ATP2B2: variants seen among roughly 807,000 people sequenced by gnomAD.
ATP2B2 encodes the protein plasma membrane calcium-transporting ATPase 2.
Under a neutral mutation model 120.0 loss-of-function variants are expected in ATP2B2, and 15 were observed. That is an observed-to-expected ratio of 0.12 (90% CI 0.08 to 0.19). ATP2B2 has a LOEUF of 0.19. ATP2B2 is among the 10% of genes least tolerant of loss of function. ATP2B2 has a pLI of 1.00. For synonymous variants in ATP2B2, 694 were observed against 700.3 expected, an observed-to-expected ratio of 0.99 and a Z score of 0.14; for missense variants, 1,045 against 1,719.8, an observed-to-expected ratio of 0.61 and a Z score of 6.94.
Position 10,402,419 on chromosome 3 carries a change from C to G in ATP2B2, c.398-71G>C. The G allele has an allele frequency of 6.3e-7, 1 of 1,589,908 alleles. No homozygotes were observed. ...GAGAGGCCTCATGGGCCTGGATTTA[C>G]AGCTCAGCTCTGCAAAGTAACAAGT... On this transcript the variant is annotated intron_variant, in intron 3 of 22. Transcript: ENST00000360273. This position sits in a 1 kb window ranked among gnomAD's most constrained non-coding sequence, Gnocchi z 4.9.
chr3:10,540,291 C>T lies in ATP2B2; in HGVS notation c.-414-6158G>A, dbSNP rs530036001. The stretch of plus-strand genomic sequence containing the variant: ...TGGTGGGACTGTAAACTAGTTCAAC[C>T]ATTGTGGAAGACTGTGTGGTGATTC... On this transcript the variant is annotated intron_variant, in intron 2 of 21. Transcript: ENST00000646379. Among the ~76,000 whole-genome samples, 12 of 152,284 alleles carry T rather than the reference C, an allele frequency of 7.9e-5. No homozygotes were observed. In the South Asian group the frequency reaches 8.3e-4, roughly 11 times the overall value.
At chr3:10,495,354 T>C (rs561799732) in intron 1 of ATP2B2, among the ~76,000 whole-genome samples, 4 of 152,270 alleles carry the variant, frequency 2.6e-5, no homozygotes, top group South Asian at 2.1e-4. Context: ...TTAGGTCCAA[T>C]GCAAAGGGGC....
intron 1 of ATP2B2, among the ~76,000 whole-genome samples, chr3:10,457,705 A>G (rs2064322327): frequency 2.6e-5 from 4 of 152,172 alleles, no homozygotes; most frequent in South Asian, 2.1e-4. Flanking sequence ...AGTTGAGAAG[A>G]GAGAACAGGG....
At chr3:10,603,968 C>T (rs2068993561) in intron 2 of ATP2B2, among the ~76,000 whole-genome samples, 1 of 152,148 alleles carries the variant, frequency 6.6e-6, no homozygotes, top group African/African-American at 2.4e-5. Flanking sequence ...ATATGTTTGA[C>T]TGGGTGGCAG....
At chr3:10,500,539 A>T (rs2165) in intron 1 of ATP2B2, among the ~76,000 whole-genome samples, 14 of 151,496 alleles carry the variant, frequency 9.2e-5, no homozygotes, top group South Asian at 2.1e-4. Context: ...TTAGAAGCAG[A>T]GGAGAGGACA....
At chr3:10,676,709 T>G (rs781398597) in intron 1 of ATP2B2, among the ~76,000 whole-genome samples, 1 of 152,166 alleles carries the variant, frequency 6.6e-6, no homozygotes, top group Non-Finnish European at 1.5e-5. Context: ...GGGAGAAAAT[T>G]AACGATTAAG....
chr3:10,564,322 T>C (rs2125534734), intron 2 of ATP2B2, among the ~76,000 whole-genome samples: 1 of 152,336 alleles, frequency 6.6e-6, no homozygotes, highest in South Asian at 2.1e-4. Flanking sequence ...ATTTCTTCTG[T>C]TTGAAATACC....
At chr3:10,507,044 T>C (rs1388415313), upstream of ATP2B2, among the ~76,000 whole-genome samples, 3 of 152,144 alleles carry the variant, frequency 2.0e-5, no homozygotes, top group African/African-American at 4.8e-5. Flanking sequence ...CCCAGCCCCA[T>C]GGAAGGGTGC....
At chr3:10,332,555 G>T (rs1053382561) in intron 22 of ATP2B2, among the ~76,000 whole-genome samples, 5 of 152,204 alleles carry the variant, frequency 3.3e-5, no homozygotes, top group Non-Finnish European at 7.3e-5. Flanking sequence ...GGCCACGCTG[G>T]TAGAAGTTCA....
rs149810559 is a variant in ATP2B2, at chr3:10,362,993, C to T, written c.1660-2870G>A. On this transcript the variant is annotated intron_variant, in intron 12 of 22. Coordinates refer to ENST00000360273, the MANE Select transcript of ATP2B2 (RefSeq NM_001001331.4). The stretch of plus-strand genomic sequence containing the variant: ...TCCCTCTACTAATGAAAGAAAATGA[C>T]GACACAGAGGACTTAAATAAAAATG... Among the ~76,000 whole-genome samples the T allele has an allele frequency of 9.9e-5, 15 of 152,196 alleles. No individual in the cohort carries two copies. In the East Asian group the frequency reaches 2.7e-3, roughly 27 times the overall value.
intron 1 of ATP2B2, among the ~76,000 whole-genome samples, chr3:10,660,628 T>C (rs2070755071): frequency 6.6e-6 from 1 of 152,096 alleles, no homozygotes; most frequent in South Asian, 2.1e-4. Flanking sequence ...CCAAAAAAAG[T>C]CCAGGACCAG....
At chr3:10,535,918 C>CA (rs1553627698) in intron 2 of ATP2B2, among the ~76,000 whole-genome samples, 52 of 147,766 alleles carry the variant, frequency 3.5e-4, no homozygotes, top group Non-Finnish European at 3.9e-4. Flanking sequence ...TTTCTTTTTT[C>CA]TTTTTTTTTT....
chr3:10,340,223 C>T lies in ATP2B2; in HGVS notation c.3237+19G>A, dbSNP rs374365541. The T allele has an allele frequency of 1.8e-5, 29 of 1,610,252 alleles. No individual in the cohort carries two copies. Among genetic ancestry groups the T allele is most frequent in the Middle Eastern group, 3.4e-4 (2 of 5,928 alleles). ...TTGCCCTGCTAACAGGCACCTCCTG[C>T]GACCTACCAGGAACTTACCTGGCCC... On this transcript the variant is annotated intron_variant, in intron 21 of 22. Transcript: ENST00000360273. The surrounding 1 kb of genome is among the most constrained non-coding windows in gnomAD (Gnocchi z 5.0).
intron 1 of ATP2B2, among the ~76,000 whole-genome samples, chr3:10,695,545 C>T (rs2071730323): frequency 6.6e-6 from 1 of 152,228 alleles, no homozygotes; most frequent in East Asian, 1.9e-4. Context: ...ACCACTGTTA[C>T]GTGAACAAAC....
intron 2 of ATP2B2, among the ~76,000 whole-genome samples, chr3:10,601,010 G>A (rs572784192): frequency 1.4e-4 from 21 of 152,218 alleles, no homozygotes; most frequent in East Asian, 3.9e-4. Flanking sequence ...GGACATTCTC[G>A]GAGCCTACAA....
intron 8 of ATP2B2, among the ~76,000 whole-genome samples, chr3:10,381,851 T>C (rs1001725488): frequency 6.6e-6 from 1 of 152,146 alleles, no homozygotes; most frequent in African/African-American, 2.4e-5. Context: ...GTGAAGTGCA[T>C]GGATTGGGAG....
chr3:10,518,720 C>G (rs1215506925), intron 3 of ATP2B2, among the ~76,000 whole-genome samples: 5 of 152,258 alleles, frequency 3.3e-5, no homozygotes, highest in Admixed American at 2.0e-4. Context: ...CCACTCATGC[C>G]TCTGAGGGAG....
chr3:10,607,068 G>A (rs2069107721), intron 2 of ATP2B2, among the ~76,000 whole-genome samples: 1 of 151,942 alleles, frequency 6.6e-6, no homozygotes, highest in Non-Finnish European at 1.5e-5. Context: ...GGCAACTCAG[G>A]TATGAATCTC....
intron 2 of ATP2B2, among the ~76,000 whole-genome samples, chr3:10,605,413 A>G (rs1220997131): frequency 1.3e-5 from 2 of 152,226 alleles, no homozygotes; most frequent in African/African-American, 4.8e-5. Flanking sequence ...ATCCCTGGGC[A>G]ATAGCCTCCT....
Sources: allele counts gnomAD v4.1 joint callset (sites outside exome capture counted in the v4.1 genomes callset), GRCh38; gene constraint gnomAD v4.1.1; non-coding constraint Gnocchi (gnomAD v3.1); transcripts MANE v1.5; gene names NCBI Gene and HGNC (gene_info 2026-07-23, HGNC 2026-07-21).